The following CKAP2 variants were observed in gnomAD, a reference collection of about 807,000 sequenced individuals.
CKAP2 encodes cytoskeleton associated protein 2.
A neutral mutation model predicts 58.4 loss-of-function variants in CKAP2; 46 were observed. The observed-to-expected ratio is 0.79, with a 90% confidence interval of 0.62 to 1.01. The LOEUF is 1.01. CKAP2 is among the 50% of genes least tolerant of loss of function. The probability of loss-of-function intolerance (pLI) is 0.00; values close to 1 mark genes in which losing one functional copy is unlikely to be tolerated. For missense variants in CKAP2, 809 were observed against 796.4 expected (o/e 1.02, Z -0.19); for synonymous variants, 293 against 280.9 (o/e 1.04, Z -0.43).
intron 7 of CKAP2, chr13:52,473,608 T>C (rs1447281337): frequency 7.0e-6 from 3 of 427,180 alleles, no homozygotes; most frequent in Non-Finnish European, 1.2e-5. Context: ...TGGGTTTTAA[T>C]AATCCTTTGT....
intron 4 of CKAP2, 78 bp downstream of exon 4, chr13:52,462,004 A>C (rs1264197921): frequency 2.0e-5 from 26 of 1,302,200 alleles, no homozygotes; most frequent in Non-Finnish European, 2.6e-5. Context: ...AATTTCCTTG[A>C]CTGCATTAGA....
intron 6 of CKAP2, among the ~76,000 whole-genome samples, 188 bp from the exon 7 acceptor site, chr13:52,468,090 G>A (rs578065905): frequency 3.7e-4 from 56 of 152,140 alleles, no homozygotes; most frequent in African/African-American, 1.3e-3. Context: ...GATTACAGGC[G>A]TGAGCCATCG....
At chr13:52,462,185 CA>C (rs1408387466) in intron 4 of CKAP2, among the ~76,000 whole-genome samples, 177 bp from the exon 5 acceptor site, 1 of 152,184 alleles carries the variant, frequency 6.6e-6, no homozygotes, top group Non-Finnish European at 1.5e-5. Flanking sequence ...TCAAAAAATG[CA>C]TTCATGGAAT....
chr13:52,460,852 C>G (rs747228732), intron 2 of CKAP2, 47 bp from the exon 3 acceptor site: 1 of 1,535,316 alleles, frequency 6.5e-7, no homozygotes, highest in African/African-American at 1.4e-5. Context: ...AGGAAGCCTC[C>G]TTGGTACAGG....
At position 52,469,591 on chromosome 13, in the gene CKAP2, TTA is replaced by T. The variant is rs561800668; in HGVS notation, c.1546+1246_1546+1247del. Among the ~76,000 whole-genome samples, 23 of 140,220 alleles carry T rather than the reference TTA, an allele frequency of 1.6e-4. No homozygotes were observed. In the South Asian group the frequency reaches 3.6e-3, roughly 22 times the overall value. 92.0% of individuals were successfully genotyped at this position (140,220 alleles called of 152,430 possible). A position where few individuals can be genotyped will look rare whatever the true frequency, so the allele number is the denominator to read the frequency against. ...AATGAAATAATATTTATTTATTTAT[TTA>T]TTTATTTTTTTTTTGAGACGGAGTC... On this transcript the variant is annotated intron_variant, in intron 7 of 8. Transcript: ENST00000258607.
At chr13:52,456,634 T>C (rs761056703) in intron 2 of CKAP2, 27 bp downstream of exon 2, 11 of 1,523,886 alleles carry the variant, frequency 7.2e-6, no homozygotes, top group Non-Finnish European at 1.0e-5. Flanking sequence ...TTCTTTTCAC[T>C]TCTGTAAAAT....
chr13:52,456,752 T>TG lies in CKAP2; in HGVS notation c.155+146dup, dbSNP rs1390113520. ...GCTTACATATTATTTTACGTCTTTT[T>TG]GTGGTACAACGTCTTTAAAATCTGG... On this transcript the variant is annotated intron_variant, in intron 2 of 8. Coordinates refer to ENST00000258607, the MANE Select transcript of CKAP2 (RefSeq NM_018204.5). 9 of 636,340 alleles carry TG rather than the reference T, an allele frequency of 1.4e-5. No homozygotes were observed. In the Admixed American group the frequency reaches 2.6e-4, roughly 18 times the overall value. 39.4% of individuals were successfully genotyped at this position (636,340 alleles called of 1,614,324 possible).
chr13:52,470,043 C>A (rs1038696870), intron 7 of CKAP2, among the ~76,000 whole-genome samples: 3 of 151,604 alleles, frequency 2.0e-5, no homozygotes, highest in Admixed American at 2.0e-4. Context: ...TATTATATAC[C>A]ATCGCCTATA....
intron 2 of CKAP2, among the ~76,000 whole-genome samples, chr13:52,457,278 T>G (rs957401637): frequency 6.6e-6 from 1 of 152,186 alleles, no homozygotes; most frequent in Non-Finnish European, 1.5e-5. Context: ...TAGACTAGAT[T>G]ATCAACTTAC....
chr13:52,461,283 A>G lies in CKAP2; in HGVS notation c.457A>G (p.Ser153Gly), dbSNP rs774270806. ...CCAGGCATTTCACCTTAAAAACAAT[A>G]GTAAAAAGAAACAAATGACTACAGA... Reference protein sequence around the residue: ...LSQAFHLKNNSKKKQMTTEKQ... With the variant: ...LSQAFHLKNNGKKKQMTTEKQ... Residue 153 changes from serine (S) to glycine (G), a missense_variant, in exon 4 of 9, where the codon AGT becomes GGT. Ser to Gly is a moderately conservative substitution (Grantham distance 56, BLOSUM62 0). Around this residue, in one of 3 missense-constraint regions of CKAP2, gnomAD observed 523 missense variants for 492.4 expected, o/e 1.06. Transcript: ENST00000258607. 7.4e-5 allele frequency: 120 copies of G among 1,613,662 alleles called. No homozygotes were observed. Among genetic ancestry groups the G allele is most frequent in the Non-Finnish European group, 9.3e-5 (110 of 1,179,972 alleles).
intron 5 of CKAP2, among the ~76,000 whole-genome samples, chr13:52,464,377 ACT>A (rs1372658259): frequency 6.6e-6 from 1 of 151,990 alleles, no homozygotes; most frequent in East Asian, 1.9e-4. Flanking sequence ...ACATGGTAAA[ACT>A]CTGTCTCTAC....
In CKAP2 at chr13:52,475,323, A is replaced by G. The variant is rs1159179790; in HGVS notation, c.*182A>G. 2.8e-6 allele frequency: 2 copies of G among 713,054 alleles called. No homozygotes were observed. The highest frequency in any genetic ancestry group is 5.6e-5 in the East Asian group (2 of 35,980). The allele number at this position is 713,054 out of a possible 1,614,324, so 44.2% of individuals were successfully genotyped here. On this transcript the variant is annotated 3_prime_UTR_variant, in exon 9 of 9. Coordinates refer to ENST00000258607, the MANE Select transcript of CKAP2 (RefSeq NM_018204.5). ...GCAAGAGTTGTCCTCTACATTGGAA[A>G]GCTAATCCTACCTTGTCAGTTTCAA...
chr13:52,457,223 TCA>T (rs949858010), intron 2 of CKAP2, among the ~76,000 whole-genome samples: 28 of 152,256 alleles, frequency 1.8e-4, no homozygotes, highest in African/African-American at 6.3e-4. Context: ...GTAAATTAAT[TCA>T]CAGTCTAAGA....
In CKAP2 at chr13:52,456,454, A is replaced by G. The variant is rs1042964979; in HGVS notation, c.71-69A>G. 5 of 1,229,050 alleles carry G rather than the reference A, an allele frequency of 4.1e-6. No individual in the cohort carries two copies. In the African/African-American group the frequency reaches 7.5e-5, roughly 19 times the overall value. The allele number at this position is 1,229,050 out of a possible 1,614,324, so 76.1% of individuals were successfully genotyped here. ...TGGAAGTAAACTCTTCATTTAGTCA[A>G]CAAGATTTATTTGCCGTTATCGATG... On this transcript the variant is annotated intron_variant, in intron 1 of 8. Coordinates refer to ENST00000258607, the MANE Select transcript of CKAP2 (RefSeq NM_018204.5).
intron 4 of CKAP2, 65 bp from the exon 5 acceptor site, chr13:52,462,298 A>T: frequency 7.1e-7 from 1 of 1,411,288 alleles, no homozygotes; most frequent in Admixed American, 2.2e-5. Flanking sequence ...TTTTTCTTTT[A>T]ACTTTATTTG....
At position 52,461,470 on chromosome 13, in the gene CKAP2, C is replaced by A. The variant is rs752486525; in HGVS notation, c.644C>A (p.Thr215Lys). Residue 215 changes from threonine (T) to lysine (K), a missense_variant, in exon 4 of 9, where the codon ACA becomes AAA. By Grantham distance (78) the Thr-to-Lys change is moderately conservative. This residue lies in a region of CKAP2 where 523 missense variants were observed against 492.4 expected (regional missense o/e 1.06). Coordinates refer to ENST00000258607, the MANE Select transcript of CKAP2 (RefSeq NM_018204.5). Reference sequence around the variant, plus strand: ...CTTTCAGCCACTATACCTAAAGCCACAAAACCTCAGCCTGTAAACACCAGC... The same window carrying A: ...CTTTCAGCCACTATACCTAAAGCCAAAAAACCTCAGCCTGTAAACACCAGC... The part of the protein sequence containing the change: ...KKLSATIPKA[T>K]KPQPVNTSSV... 1.9e-6 allele frequency: 3 copies of A among 1,614,144 alleles called. No individual in the cohort carries two copies. The East Asian group carries it at 6.7e-5, about 36-fold the overall frequency.
At chr13:52,456,726 T>G in intron 2 of CKAP2, 119 bp downstream of exon 2, 1 of 701,920 alleles carries the variant, frequency 1.4e-6, no homozygotes, top group Non-Finnish European at 2.4e-6. Flanking sequence ...TTAGAAAAAC[T>G]GCTTACATAT....
At chr13:52,470,817 G>C (rs1028728685) in intron 7 of CKAP2, among the ~76,000 whole-genome samples, 1 of 152,152 alleles carries the variant, frequency 6.6e-6, no homozygotes, top group Non-Finnish European at 1.5e-5. Context: ...AGGGAAAACC[G>C]AGGAAAGATT....
At chr13:52,462,243 G>T in intron 4 of CKAP2, 120 bp from the exon 5 acceptor site, 1 of 814,032 alleles carries the variant, frequency 1.2e-6, no homozygotes. Flanking sequence ...CTTCAAGCTT[G>T]TGAACTATAT....
Sources: gnomAD v4.1 joint callset for allele counts (sites outside exome capture counted in the v4.1 genomes callset) on GRCh38, gnomAD v4.1.1 for gene constraint, gnomAD v4.1.1 regional missense constraint, MANE v1.5 for transcripts, NCBI Gene and HGNC (gene_info 2026-07-23, HGNC 2026-07-21) for gene names.